The following PARD3B variants were observed in gnomAD, a reference collection of about 807,000 sequenced individuals.
PARD3B encodes partitioning defective 3 homolog B.
PARD3B carries 103 observed loss-of-function variants against 130.2 expected under a neutral mutation model. The observed-to-expected ratio is 0.79, with a 90% confidence interval of 0.67 to 0.93. The LOEUF is 0.93. Ranked by LOEUF, PARD3B falls within the 40% of genes least tolerant of loss-of-function variation. The pLI, the probability that PARD3B is intolerant of heterozygous loss-of-function variation, is 0.00. For missense variants in PARD3B, 1,609 were observed against 1,499.2 expected (o/e 1.07, Z -1.21); for synonymous variants, 583 against 553.2 (o/e 1.05, Z -0.76).
chr2:205,573,013 A>G (rs1335860989), intron 22 of PARD3B, among the ~76,000 whole-genome samples: 2 of 152,194 alleles, frequency 1.3e-5, no homozygotes, highest in Admixed American at 6.5e-5. Context: ...CCTTCTTCAC[A>G]TGGCAGCAGC....
intron 1 of PARD3B, among the ~76,000 whole-genome samples, chr2:204,620,491 A>G (rs2034261066): frequency 6.6e-6 from 1 of 152,208 alleles, no homozygotes; most frequent in Admixed American, 6.5e-5. Context: ...CTTTAACATC[A>G]GAGGGGACAG....
At chr2:205,469,106 A>G in intron 20 of PARD3B, among the ~76,000 whole-genome samples, 1 of 152,090 alleles carries the variant, frequency 6.6e-6, no homozygotes, top group East Asian at 1.9e-4. Context: ...TTGACTGTTA[A>G]CTTGTTTGTT....
intron 3 of PARD3B, among the ~76,000 whole-genome samples, chr2:204,989,490 C>G (rs1351946258): frequency 6.6e-6 from 1 of 152,106 alleles, no homozygotes; most frequent in African/African-American, 2.4e-5. Flanking sequence ...TGAAGAGAAG[C>G]AACGCAGTGA....
intron 2 of PARD3B, among the ~76,000 whole-genome samples, chr2:204,764,777 T>C (rs1013048249): frequency 6.6e-6 from 1 of 150,638 alleles, no homozygotes; most frequent in African/African-American, 2.5e-5. Context: ...GAAATAGGCT[T>C]GGACAGGACA....
chr2:204,926,588 C>A (rs1214420136), intron 2 of PARD3B, among the ~76,000 whole-genome samples: 1 of 152,116 alleles, frequency 6.6e-6, no homozygotes, highest in Non-Finnish European at 1.5e-5. Context: ...GATCTCCTCA[C>A]AACATGTGAG....
chr2:205,177,977 T>A (rs2035563593), intron 13 of PARD3B, among the ~76,000 whole-genome samples: 1 of 151,704 alleles, frequency 6.6e-6, no homozygotes, highest in African/African-American at 2.4e-5. Context: ...ATTGAAACTA[T>A]TGGAGTCCTT....
At position 205,113,683 on chromosome 2, in the gene PARD3B, T is replaced by A; in HGVS notation, c.680+106T>A. 5.2e-6 allele frequency: 4 copies of A among 773,230 alleles called. No individual in the cohort carries two copies. The South Asian group carries it at 5.6e-5, about 11-fold the overall frequency. 47.9% of individuals were successfully genotyped at this position (773,230 alleles called of 1,614,324 possible). On this transcript the variant is annotated intron_variant, in intron 6 of 22. Coordinates refer to ENST00000406610, the MANE Select transcript of PARD3B (RefSeq NM_001302769.2). ...GGAGATTAAATGTGAATTCTATTAT[T>A]CAAATGGATACCTCAAGACATACTT...
chr2:205,491,039 C>T (rs987332870), intron 20 of PARD3B, among the ~76,000 whole-genome samples: 16 of 151,754 alleles, frequency 1.1e-4, no homozygotes, highest in East Asian at 3.9e-4. Flanking sequence ...GCAAAAATTT[C>T]CTCCCATTCT....
intron 15 of PARD3B, among the ~76,000 whole-genome samples, chr2:205,218,861 C>T (rs1349122135): frequency 6.6e-6 from 1 of 152,130 alleles, no homozygotes; most frequent in Non-Finnish European, 1.5e-5. Flanking sequence ...GGGCAGATCA[C>T]CTGAGGTCAG....
intron 3 of PARD3B, among the ~76,000 whole-genome samples, chr2:204,971,515 T>C (rs1691705121): frequency 6.6e-6 from 1 of 152,374 alleles, no homozygotes; most frequent in East Asian, 1.9e-4. Context: ...AATTTGGTCA[T>C]TGAGTTTCAT....
chr2:205,178,642 G>T (rs1203059399), intron 13 of PARD3B, among the ~76,000 whole-genome samples: 1 of 152,128 alleles, frequency 6.6e-6, no homozygotes, highest in African/African-American at 2.4e-5. Flanking sequence ...AACTTGATTG[G>T]CATTTAATTC....
Position 204,545,955 on chromosome 2 carries a change from C to T in PARD3B, c.-45C>T. On this transcript the variant is annotated 5_prime_UTR_variant, in exon 1 of 23. Coordinates refer to ENST00000406610, the MANE Select transcript of PARD3B (RefSeq NM_001302769.2). ...AGAGTGGGGGCTGCGCCCGCGGGGT[C>T]AGACACCTGTTCGGCCCGGCCCGGC... 1 of 1,513,578 alleles carries T rather than the reference C, an allele frequency of 6.6e-7. No homozygotes were observed. The allele number at this position is 1,513,578 out of a possible 1,614,324, so 93.8% of individuals were successfully genotyped here. A position where few individuals can be genotyped will look rare whatever the true frequency, so the allele number is the denominator to read the frequency against.
At chr2:204,905,261 G>C (rs1203776623) in intron 2 of PARD3B, among the ~76,000 whole-genome samples, 3 of 152,170 alleles carry the variant, frequency 2.0e-5, no homozygotes, top group Non-Finnish European at 4.4e-5. Context: ...GGGATGTGAT[G>C]TTATCAGCAG....
intron 19 of PARD3B, among the ~76,000 whole-genome samples, chr2:205,424,211 G>C (rs2047068131): frequency 6.6e-6 from 1 of 152,182 alleles, no homozygotes; most frequent in Non-Finnish European, 1.5e-5. Flanking sequence ...CTATGATGCA[G>C]AGAACGTGAC....
intron 1 of PARD3B, among the ~76,000 whole-genome samples, chr2:204,655,405 A>G (rs2035607363): frequency 6.6e-6 from 1 of 152,074 alleles, no homozygotes; most frequent in South Asian, 2.1e-4. Context: ...TGTCTGTTCT[A>G]TATAAGATGC....
chr2:205,356,192 A>C (rs1018836576), intron 18 of PARD3B, among the ~76,000 whole-genome samples: 2 of 152,200 alleles, frequency 1.3e-5, no homozygotes, highest in Non-Finnish European at 2.9e-5. Context: ...ATAAAGGTTT[A>C]TCAAACTTTG....
Position 205,440,459 on chromosome 2 carries a change from T to C in PARD3B, c.2831T>C (p.Met944Thr). ...ATGAIGSVYD[M>T]DDDEMDPNYA... ...GGTGCAATTGGATCAGTGTATGATATGGATGATGATGAAATGGACCCCAAT... is the reference window on the plus strand; with the variant it reads ...GGTGCAATTGGATCAGTGTATGATACGGATGATGATGAAATGGACCCCAAT... Residue 944 changes from methionine (M) to threonine (T), a missense_variant, in exon 20 of 23, where the codon ATG becomes ACG. Met to Thr is a moderately conservative substitution (Grantham distance 81). Coordinates refer to ENST00000406610, the MANE Select transcript of PARD3B (RefSeq NM_001302769.2). This position sits in a 1 kb window ranked among gnomAD's most constrained non-coding sequence, Gnocchi z 4.2. 1 of 1,614,110 alleles carries C rather than the reference T, an allele frequency of 6.2e-7. No individual in the cohort carries two copies. The highest frequency in any genetic ancestry group is 8.5e-7 in the Non-Finnish European group (1 of 1,179,980).
chr2:204,720,666 G>A (rs1177347769), intron 2 of PARD3B, among the ~76,000 whole-genome samples: 1 of 152,132 alleles, frequency 6.6e-6, no homozygotes, highest in Non-Finnish European at 1.5e-5. Context: ...CTTTTGATCA[G>A]ACAATGCAGG....
chr2:205,420,893 A>G (rs1176173952), intron 19 of PARD3B, among the ~76,000 whole-genome samples: 1 of 152,210 alleles, frequency 6.6e-6, no homozygotes. Context: ...CTGTAATCCC[A>G]TCACTTTGAG....
Sources: gnomAD v4.1 joint callset for allele counts (sites outside exome capture counted in the v4.1 genomes callset) on GRCh38, gnomAD v4.1.1 for gene constraint, Gnocchi (gnomAD v3.1) non-coding constraint, MANE v1.5 for transcripts, NCBI Gene and HGNC (gene_info 2026-07-23, HGNC 2026-07-21) for gene names.